Variants in PDE3B observed in about 807,000 individuals in gnomAD.
The protein encoded by PDE3B is cGMP-inhibited 3',5'-cyclic phosphodiesterase 3B.
PDE3B carries 66 observed loss-of-function variants against 116.8 expected under a neutral mutation model. The observed-to-expected ratio is 0.56, with a 90% CI of 0.46 to 0.69. PDE3B has a LOEUF of 0.69. Ranked by LOEUF, PDE3B falls within the 30% of genes least tolerant of loss-of-function variation. The pLI, the probability that PDE3B is intolerant of heterozygous loss-of-function variation, is 0.00. For synonymous variants in PDE3B, 595 were observed against 533.6 expected, an observed-to-expected ratio of 1.12 and a Z score of -1.59; for missense variants, 1,384 against 1,368.1, an observed-to-expected ratio of 1.01 and a Z score of -0.18.
intron 1 of PDE3B, among the ~76,000 whole-genome samples, chr11:14,650,336 T>C (rs1175468192): frequency 6.6e-6 from 1 of 152,006 alleles, no homozygotes; most frequent in Non-Finnish European, 1.5e-5. Flanking sequence ...CCTGACTAGG[T>C]GGGACTGCAG....
chr11:14,721,285 A>G (rs1368931641), intron 1 of PDE3B, among the ~76,000 whole-genome samples: 1 of 152,176 alleles, frequency 6.6e-6, no homozygotes, highest in Non-Finnish European at 1.5e-5. Context: ...CAGGTGCTGG[A>G]GAGGATGTGG....
rs1384025869 is a variant in PDE3B at position 14,734,430 on chromosome 11, T to C, written c.979-37507T>C. Among the ~76,000 whole-genome samples the C allele has an allele frequency of 3.3e-5, 5 of 152,216 alleles. No individual in the cohort carries two copies. In the South Asian group the frequency reaches 1.0e-3, roughly 32 times the overall value. ...ACTGTTTCTTATAACTTATAGGTTGTTCTTCTTGGGATTACCAAGTAAATG... is the reference window on the plus strand; with the variant it reads ...ACTGTTTCTTATAACTTATAGGTTGCTCTTCTTGGGATTACCAAGTAAATG... On this transcript the variant is annotated intron_variant, in intron 1 of 15. Coordinates refer to ENST00000282096, the MANE Select transcript of PDE3B (RefSeq NM_000922.4).
intron 5 of PDE3B, among the ~76,000 whole-genome samples, chr11:14,810,186 C>CT (rs1859081636): frequency 6.6e-6 from 1 of 151,364 alleles, no homozygotes; most frequent in East Asian, 1.9e-4. Flanking sequence ...TATTATTATA[C>CT]TTTAAGTTTT....
chr11:14,656,994 GA>G (rs1290464053), intron 1 of PDE3B, among the ~76,000 whole-genome samples: 2 of 152,140 alleles, frequency 1.3e-5, no homozygotes, highest in Admixed American at 6.5e-5. Context: ...GGACAACAAA[GA>G]AAAGATACAA....
rs750791986 is a variant in PDE3B at position 14,789,157 on chromosome 11, A to G, written c.1330A>G (p.Thr444Ala). 4 of 1,610,652 alleles carry G rather than the reference A, an allele frequency of 2.5e-6. No individual in the cohort carries two copies. The African/African-American group carries it at 4.0e-5, about 16-fold the overall frequency. ...PTPQLRRSSG[T>A]SGLLPVEQSS... Reference sequence around the variant, plus strand: ...TCCACAGCTGAGGAGAAGCTCAGGAACTTCAGGATTGCTACCTGTTGAACA... The same window carrying G: ...TCCACAGCTGAGGAGAAGCTCAGGAGCTTCAGGATTGCTACCTGTTGAACA... The change falls in exon 4 of 16, where the codon ACT becomes GCT. Residue 444 changes from threonine (T) to alanine (A), a missense_variant. By Grantham distance (58) the Thr-to-Ala change is moderately conservative. Coordinates refer to ENST00000282096, the MANE Select transcript of PDE3B (RefSeq NM_000922.4).
intron 14 of PDE3B, among the ~76,000 whole-genome samples, chr11:14,863,892 T>C (rs1251969826): frequency 1.3e-5 from 2 of 152,036 alleles, no homozygotes; most frequent in Non-Finnish European, 2.9e-5. Context: ...AGAAACCACA[T>C]CAACTAACGG....
At chr11:14,745,901 A>G (rs985470848) in intron 1 of PDE3B, among the ~76,000 whole-genome samples, 3 of 152,088 alleles carry the variant, frequency 2.0e-5, no homozygotes, top group Non-Finnish European at 4.4e-5. Context: ...CCACATCCCC[A>G]TTTGCTATCT....
intron 1 of PDE3B, among the ~76,000 whole-genome samples, chr11:14,702,931 C>T (rs1237191387): frequency 1.3e-5 from 2 of 151,860 alleles, no homozygotes; most frequent in Admixed American, 1.3e-4. Context: ...ATGGCCTGCG[C>T]CACACAGGGG....
rs1848148802 is a variant in PDE3B, at chr11:14,872,026, A to G, written c.*2366A>G. The G allele has an allele frequency of 6.6e-6, 1 of 152,158 alleles. No homozygotes were observed. The highest frequency in any genetic ancestry group is 2.4e-5 in the African/African-American group (1 of 41,440). 9.4% of individuals were successfully genotyped at this position (152,158 alleles called of 1,614,324 possible). A position where few individuals can be genotyped will look rare whatever the true frequency, so the allele number is the denominator to read the frequency against. On this transcript the variant is annotated 3_prime_UTR_variant, in exon 16 of 16. Coordinates refer to ENST00000282096, the MANE Select transcript of PDE3B (RefSeq NM_000922.4). ...ACCTACTGACACATTTTTCTCCATA[A>G]AAGTACTTTTAAAAATTACTTCATG... is the stretch of plus-strand genomic sequence containing the variant.
chr11:14,798,194 G>A lies in PDE3B; in HGVS notation c.1416-5750G>A, dbSNP rs184779595. Among the ~76,000 whole-genome samples the A allele has an allele frequency of 2.0e-3, 303 of 152,236 alleles. 1 individual carries two copies. The Middle Eastern group carries it at 0.02, about 10-fold the overall frequency. ...TGTGCATCTATTGAGATAATCATGC[G>A]GTTTTTGTCATTGGTTCTGTTTATG... On this transcript the variant is annotated intron_variant, in intron 4 of 15. Transcript: ENST00000282096.
At chr11:14,794,799 A>C (rs768925192) in intron 4 of PDE3B, among the ~76,000 whole-genome samples, 2 of 152,180 alleles carry the variant, frequency 1.3e-5, no homozygotes, top group Non-Finnish European at 2.9e-5. Flanking sequence ...GGTTCAGGTA[A>C]TTTGCTAGAG....
At chr11:14,673,591 T>G in intron 1 of PDE3B, 1 of 562,612 alleles carries the variant, frequency 1.8e-6, no homozygotes, top group Non-Finnish European at 3.5e-6. Flanking sequence ...CTCACATGGC[T>G]CTCAGGACGG....
At chr11:14,850,585 G>T (rs1340389879) in intron 12 of PDE3B, among the ~76,000 whole-genome samples, 2 of 151,852 alleles carry the variant, frequency 1.3e-5, no homozygotes, top group Non-Finnish European at 2.9e-5. Context: ...AATCTTTTTT[G>T]TTGTTCTCTT....
intron 1 of PDE3B, among the ~76,000 whole-genome samples, chr11:14,689,564 G>GA (rs1283346799): frequency 6.6e-6 from 1 of 151,298 alleles, no homozygotes; most frequent in Admixed American, 6.6e-5. Flanking sequence ...GGATGAGACT[G>GA]AAAAAAAAGA....
At chr11:14,794,399 C>T (rs1394665210) in intron 4 of PDE3B, among the ~76,000 whole-genome samples, 1 of 151,268 alleles carries the variant, frequency 6.6e-6, no homozygotes, top group Non-Finnish European at 1.5e-5. Flanking sequence ...CCACTGCAGT[C>T]TCTGCCTCCT....
At chr11:14,868,700 A>G (rs1848091113) in intron 15 of PDE3B, among the ~76,000 whole-genome samples, 1 of 152,184 alleles carries the variant, frequency 6.6e-6, no homozygotes, top group Non-Finnish European at 1.5e-5. Flanking sequence ...CAGACAGGAA[A>G]ACTACAAAGA....
chr11:14,806,626 G>C (rs914606103), intron 5 of PDE3B, among the ~76,000 whole-genome samples: 10 of 151,574 alleles, frequency 6.6e-5, no homozygotes, highest in Non-Finnish European at 1.3e-4. Context: ...TTGGGAGGCC[G>C]AGGCGGGCGG....
intron 1 of PDE3B, among the ~76,000 whole-genome samples, chr11:14,688,142 T>TCC (rs754656759): frequency 3.0e-5 from 3 of 101,412 alleles, no homozygotes; most frequent in African/African-American, 8.1e-5. Flanking sequence ...TCTCTCTCTC[T>TCC]CCCTCCCTCC....
At chr11:14,654,365 C>G (rs1164823397) in intron 1 of PDE3B, among the ~76,000 whole-genome samples, 1 of 152,070 alleles carries the variant, frequency 6.6e-6, no homozygotes, top group East Asian at 1.9e-4. Context: ...TTATTAGTAG[C>G]CACAGTGGAA....
Sources: allele counts gnomAD v4.1 joint callset (sites outside exome capture counted in the v4.1 genomes callset), GRCh38; gene constraint gnomAD v4.1.1; transcripts MANE v1.5; gene names NCBI Gene and HGNC (gene_info 2026-07-23, HGNC 2026-07-21).